The following FSTL5 variants were observed in gnomAD, a reference collection of about 807,000 sequenced individuals.
FSTL5 encodes the protein follistatin-related protein 5.
Under a neutral mutation model 89.1 loss-of-function variants are expected in FSTL5, and 62 were observed. The ratio of observed to expected loss-of-function variants is 0.70; its 90% CI spans 0.57 to 0.86. The LOEUF (loss-of-function observed/expected upper bound fraction) is 0.86. Among genes scored for constraint, FSTL5 ranks in the 40% least tolerant of loss-of-function variants. The pLI, the probability that FSTL5 is intolerant of heterozygous loss-of-function variation, is 0.00. For missense variants in FSTL5, 1,057 were observed against 1,001.6 expected (o/e 1.06, Z -0.75); for synonymous variants, 383 against 346.2 (o/e 1.11, Z -1.18).
chr4:161,699,483 C>A (rs1738299404), intron 6 of FSTL5, among the ~76,000 whole-genome samples: 1 of 152,032 alleles, frequency 6.6e-6, no homozygotes, highest in East Asian at 1.9e-4. Flanking sequence ...TTCTAGAGAC[C>A]ACTGTGTTTA....
chr4:161,682,684 T>C (rs899147569), intron 6 of FSTL5, among the ~76,000 whole-genome samples: 2 of 152,128 alleles, frequency 1.3e-5, no homozygotes, highest in African/African-American at 4.8e-5. Flanking sequence ...TGTCGTCTCC[T>C]ATGATAACAA....
chr4:161,493,147 A>C (rs1430109601), intron 12 of FSTL5, among the ~76,000 whole-genome samples: 1 of 151,916 alleles, frequency 6.6e-6, no homozygotes, highest in Non-Finnish European at 1.5e-5. Flanking sequence ...AGTTTTAGAA[A>C]TGTTGAGAAA....
At chr4:161,753,232 A>AT (rs1560826116) in intron 6 of FSTL5, among the ~76,000 whole-genome samples, 1 of 152,066 alleles carries the variant, frequency 6.6e-6, no homozygotes, top group Non-Finnish European at 1.5e-5. Flanking sequence ...AAGTTTGTGT[A>AT]TTTTTTAAAA....
At chr4:162,146,993 G>C (rs1487799866) in intron 1 of FSTL5, among the ~76,000 whole-genome samples, 1 of 151,906 alleles carries the variant, frequency 6.6e-6, no homozygotes, top group African/African-American at 2.4e-5. Flanking sequence ...TGTTGGCCAG[G>C]CTGGTCTCGA....
intron 2 of FSTL5, among the ~76,000 whole-genome samples, chr4:162,099,487 G>A (rs934070212): frequency 6.6e-6 from 1 of 152,086 alleles, no homozygotes; most frequent in Admixed American, 6.6e-5. Context: ...TAATGTAGGA[G>A]CAAATCTAGA....
chr4:161,451,272 T>A (rs1186792016), intron 15 of FSTL5, among the ~76,000 whole-genome samples: 2 of 152,096 alleles, frequency 1.3e-5, no homozygotes, highest in African/African-American at 4.8e-5. Context: ...TAAAGAAAAA[T>A]TTTTACTAAC....
rs185482429 is a variant in FSTL5, at chr4:162,118,460, G to A, written c.-16-7048C>T. On this transcript the variant is annotated intron_variant, in intron 1 of 15. Coordinates refer to ENST00000306100, the MANE Select transcript of FSTL5 (RefSeq NM_020116.5). ...TATTTTTTAGTAGAGACGGGGTTTC[G>A]CCATGTTAGCCAGGATGGTCTCGAT... Among the ~76,000 whole-genome samples, 63 of 152,038 alleles carry A rather than the reference G, an allele frequency of 4.1e-4. No individual in the cohort carries two copies. The East Asian group carries it at 0.011, about 26-fold the overall frequency.
intron 4 of FSTL5, among the ~76,000 whole-genome samples, chr4:161,918,730 C>T (rs1232281762): frequency 2.0e-5 from 3 of 151,976 alleles, no homozygotes; most frequent in South Asian, 2.1e-4. Flanking sequence ...CTGCAACCTC[C>T]GCCTCCTGGG....
chr4:162,099,973 T>C (rs181789356), intron 2 of FSTL5, among the ~76,000 whole-genome samples: 43 of 152,260 alleles, frequency 2.8e-4, no homozygotes, highest in Non-Finnish European at 5.1e-4. Flanking sequence ...CCAGTGGGAA[T>C]GAAAAATTAT....
intron 6 of FSTL5, among the ~76,000 whole-genome samples, chr4:161,697,932 T>C (rs1229935485): frequency 4.1e-5 from 6 of 144,692 alleles, no homozygotes; most frequent in East Asian, 2.3e-4. Flanking sequence ...TTACAAAATA[T>C]GGGAAGGTGT....
In FSTL5 at chr4:161,955,880, G is replaced by C. The variant is rs965963303; in HGVS notation, c.161-35228C>G. On this transcript the variant is annotated intron_variant, in intron 3 of 15. Coordinates refer to ENST00000306100, the MANE Select transcript of FSTL5 (RefSeq NM_020116.5). ...AGAAGAGAACATTTTTTCAAGGAGA[G>C]AGGTGGTTTTTTTTTGTTGTTTAAT... 6.6e-5 allele frequency among the ~76,000 whole-genome samples: 10 copies of C among 151,846 alleles called. No homozygotes were observed. In the South Asian group the frequency reaches 1.0e-3, roughly 16 times the overall value.
intron 3 of FSTL5, among the ~76,000 whole-genome samples, chr4:161,969,270 A>G (rs1220514877): frequency 6.6e-6 from 1 of 152,134 alleles, no homozygotes; most frequent in African/African-American, 2.4e-5. Flanking sequence ...TTACTTTACT[A>G]TTTCCTTTCC....
At chr4:161,742,500 A>G (rs1435655836) in intron 6 of FSTL5, among the ~76,000 whole-genome samples, 1 of 152,174 alleles carries the variant, frequency 6.6e-6, no homozygotes, top group African/African-American at 2.4e-5. Flanking sequence ...AAATATTATT[A>G]TTGCTGTAGC....
At chr4:161,492,355 T>G (rs73861552) in intron 12 of FSTL5, among the ~76,000 whole-genome samples, 3,984 of 152,268 alleles carry the variant, frequency 0.026, 173 homozygotes, top group African/African-American at 0.089. Context: ...TTAGATCTCA[T>G]CTGTAAACTA....
intron 7 of FSTL5, among the ~76,000 whole-genome samples, chr4:161,619,331 T>C (rs1174806907): frequency 6.6e-6 from 1 of 151,908 alleles, no homozygotes; most frequent in African/African-American, 2.4e-5. Flanking sequence ...AAAGACAAAA[T>C]TGACAAATGG....
chr4:161,570,838 G>T (rs935092989), intron 8 of FSTL5, among the ~76,000 whole-genome samples: 1 of 152,124 alleles, frequency 6.6e-6, no homozygotes, highest in Non-Finnish European at 1.5e-5. Context: ...CAAGGGAGCC[G>T]GGTGTGGTGG....
rs150938798 is a variant in FSTL5 at position 161,765,207 on chromosome 4, C to A, written c.607-5676G>T. 3.3e-5 allele frequency among the ~76,000 whole-genome samples: 5 copies of A among 152,274 alleles called. No homozygotes were observed. The East Asian group carries it at 9.7e-4, about 29-fold the overall frequency. On this transcript the variant is annotated intron_variant, in intron 5 of 15. Transcript: ENST00000306100. ...TAAATGCATGAAATAGTTGTCCATT[C>A]TGCTCTAAGGGATGATCTGGACAAA...
intron 6 of FSTL5, among the ~76,000 whole-genome samples, chr4:161,702,922 T>C (rs1258246141): frequency 2.0e-5 from 3 of 152,098 alleles, no homozygotes; most frequent in African/African-American, 4.8e-5. Flanking sequence ...AATGAGGCTG[T>C]ATTTGGACAA....
At chr4:161,811,040 AC>A (rs1355980716) in intron 4 of FSTL5, among the ~76,000 whole-genome samples, 1 of 152,086 alleles carries the variant, frequency 6.6e-6, no homozygotes, top group Non-Finnish European at 1.5e-5. Context: ...TCTGCTCCCA[AC>A]CCCCTACCAT....
Sources: allele counts gnomAD v4.1 joint callset (sites outside exome capture counted in the v4.1 genomes callset), GRCh38; gene constraint gnomAD v4.1.1; transcripts MANE v1.5; gene names NCBI Gene and HGNC (gene_info 2026-07-23, HGNC 2026-07-21).